Variants in NAA11 observed in about 807,000 individuals in gnomAD.
NAA11 encodes N-alpha-acetyltransferase 11, NatA catalytic subunit, also known as N-alpha-acetyltransferase 11.
NAA11 carries 15 observed loss-of-function variants against 16.1 expected under a neutral mutation model. That is an observed-to-expected ratio of 0.93 (90% CI 0.62 to 1.44). NAA11 has a LOEUF of 1.44. Among genes scored for constraint, NAA11 ranks in the 40% most tolerant of loss-of-function variants. NAA11 has a pLI of 0.00. For missense variants in NAA11, 298 were observed against 291.3 expected, an observed-to-expected ratio of 1.02 and a Z score of -0.17; for synonymous variants, 122 against 112.4, an observed-to-expected ratio of 1.09 and a Z score of -0.54.
At chr4:79,228,776 G>T (rs936943070) in intron 2 of NAA11, among the ~76,000 whole-genome samples, 1 of 151,990 alleles carries the variant, frequency 6.6e-6, no homozygotes, top group African/African-American at 2.4e-5. Flanking sequence ...AAACATTCAT[G>T]TACCATTTTT....
At chr4:79,179,555 A>G in the NAA11 span, among the ~76,000 whole-genome samples, 8 of 152,330 alleles carry the variant, frequency 5.3e-5, no homozygotes, top group South Asian at 1.4e-3. Context: ...ACTGTTTACT[A>G]TTCTGTTTGA....
At chr4:79,172,494 A>AT in the NAA11 span, among the ~76,000 whole-genome samples, 143 of 152,142 alleles carry the variant, frequency 9.4e-4, no homozygotes, top group Admixed American at 1.8e-3. Context: ...TATTTTCTGG[A>AT]TTTTTTTCCC....
the NAA11 span, among the ~76,000 whole-genome samples, chr4:79,189,347 GT>G: frequency 6.6e-6 from 1 of 151,978 alleles, no homozygotes; most frequent in African/African-American, 2.4e-5. Flanking sequence ...CAATGTTGGG[GT>G]GTTTCTAAAA....
At chr4:79,202,981 C>A in the NAA11 span, among the ~76,000 whole-genome samples, 1 of 151,302 alleles carries the variant, frequency 6.6e-6, no homozygotes, top group African/African-American at 2.4e-5. Context: ...TTTATGGCTA[C>A]AAGTTGATCT....
At chr4:79,192,653 G>A in the NAA11 span, among the ~76,000 whole-genome samples, 2 of 151,970 alleles carry the variant, frequency 1.3e-5, no homozygotes, top group African/African-American at 4.8e-5. Context: ...TTGGTTCCAA[G>A]TCTTTGCTAT....
At chr4:79,321,533 G>C (rs1724088107) in intron 1 of NAA11, among the ~76,000 whole-genome samples, 1 of 152,166 alleles carries the variant, frequency 6.6e-6, no homozygotes, top group South Asian at 2.1e-4. Context: ...TATTTAATAA[G>C]ATGTAGGAGA....
At position 79,325,504 on chromosome 4, in the gene NAA11, G is replaced by A; in HGVS notation, c.374C>T (p.Thr125Ile). 2 of 1,614,182 alleles carry A rather than the reference G, an allele frequency of 1.2e-6. No homozygotes were observed. ...NRPALHLYSN[T>I]LNFQISEVEP... ...CACCTCACTAATCTGAAAGTTGAGG[G>A]TGTTAGAATAAAGGTGCAAGGCTGG... The change falls in exon 1 of 2, where the codon ACC becomes ATC. Residue 125 changes from threonine to isoleucine, a missense_variant. Coordinates refer to ENST00000286794, the MANE Select transcript of NAA11 (RefSeq NM_032693.3).
downstream of NAA11, among the ~76,000 whole-genome samples, chr4:79,224,615 G>C (rs140365485): frequency 4.7e-3 from 714 of 152,124 alleles, 2 homozygotes; most frequent in Middle Eastern, 0.034. Context: ...GGGGTGATTT[G>C]GTGCTAATAA....
Position 79,326,007 on chromosome 4 carries a change from G to A in NAA11, c.-130C>T, listed in dbSNP as rs1285338066. On this transcript the variant is annotated 5_prime_UTR_variant, in exon 1 of 2. Transcript: ENST00000286794. ...ACACCACCGGGCTGAATCGTGTGGAGGGCGGATGGCGGGAAGGCGGAAGGA... is the reference window on the plus strand; with the variant it reads ...ACACCACCGGGCTGAATCGTGTGGAAGGCGGATGGCGGGAAGGCGGAAGGA... The A allele has an allele frequency of 9.3e-6, 7 of 756,428 alleles. No homozygotes were observed. The highest frequency in any genetic ancestry group is 3.5e-4 in the Middle Eastern group (1 of 2,880). The allele number at this position is 756,428 out of a possible 1,614,324, so 46.9% of individuals were successfully genotyped here. A position where few individuals can be genotyped will look rare whatever the true frequency, so the allele number is the denominator to read the frequency against.
chr4:79,261,525 G>A (rs1268675837), intron 2 of NAA11, among the ~76,000 whole-genome samples: 1 of 152,178 alleles, frequency 6.6e-6, no homozygotes, highest in East Asian at 1.9e-4. Context: ...AGAGGCAGGG[G>A]TAGGATCGGA....
At chr4:79,237,391 G>A (rs1721592318) in intron 2 of NAA11, among the ~76,000 whole-genome samples, 1 of 152,186 alleles carries the variant, frequency 6.6e-6, no homozygotes, top group Admixed American at 6.5e-5. Flanking sequence ...TACAGAAGGT[G>A]TGTGCACACA....
At chr4:79,288,934 G>T (rs951269782) in intron 2 of NAA11, among the ~76,000 whole-genome samples, 1 of 152,064 alleles carries the variant, frequency 6.6e-6, no homozygotes, top group African/African-American at 2.4e-5. Flanking sequence ...CTTATTAAAT[G>T]ATTATTCTTT....
At chr4:79,314,723 T>G (rs1451038044), downstream of NAA11, among the ~76,000 whole-genome samples, 1 of 149,948 alleles carries the variant, frequency 6.7e-6, no homozygotes, top group Non-Finnish European at 1.5e-5. Context: ...ACAATTTCAG[T>G]GTCTGAGCTA....
chr4:79,175,804 T>G, the NAA11 span, among the ~76,000 whole-genome samples: 1 of 151,958 alleles, frequency 6.6e-6, no homozygotes, highest in Non-Finnish European at 1.5e-5. Flanking sequence ...TTATAAGTTT[T>G]GTTTTGCTCC....
At chr4:79,279,147 A>G (rs2109985591) in intron 2 of NAA11, among the ~76,000 whole-genome samples, 1 of 152,242 alleles carries the variant, frequency 6.6e-6, no homozygotes, top group East Asian at 1.9e-4. Context: ...CCACAGCAGT[A>G]GGTACCCAAT....
At chr4:79,157,027 T>C in the NAA11 span, among the ~76,000 whole-genome samples, 1 of 152,310 alleles carries the variant, frequency 6.6e-6, no homozygotes, top group Non-Finnish European at 1.5e-5. Flanking sequence ...CAGTAGTAGA[T>C]TCCTATTTTT....
intron 2 of NAA11, among the ~76,000 whole-genome samples, chr4:79,254,448 A>G (rs539560807): frequency 9.3e-4 from 142 of 152,276 alleles, no homozygotes; most frequent in African/African-American, 3.3e-3. Flanking sequence ...TAAACCATGG[A>G]TTAATCTAGT....
chr4:79,318,680 G>C (rs1040785313), intron 1 of NAA11, among the ~76,000 whole-genome samples: 2 of 152,136 alleles, frequency 1.3e-5, no homozygotes, highest in Non-Finnish European at 2.9e-5. Flanking sequence ...TATAACAAAA[G>C]AGACACAAGA....
intron 2 of NAA11, among the ~76,000 whole-genome samples, chr4:79,269,553 GT>G (rs1161753981): frequency 2.0e-5 from 3 of 149,820 alleles, no homozygotes; most frequent in Non-Finnish European, 4.5e-5. Flanking sequence ...GGGGTTGTTT[GT>G]TTTTTTCTTG....
Sources: allele counts gnomAD v4.1 joint callset (sites outside exome capture counted in the v4.1 genomes callset), GRCh38; gene constraint gnomAD v4.1.1; transcripts MANE v1.5; gene names NCBI Gene and HGNC (gene_info 2026-07-23, HGNC 2026-07-21).